The following TENM2 variants were observed in gnomAD, a reference collection of about 807,000 sequenced individuals.
TENM2 encodes teneurin-2.
TENM2 carries 52 observed loss-of-function variants against 245.2 expected under a neutral mutation model. The ratio of observed to expected loss-of-function variants is 0.21; its 90% confidence interval spans 0.17 to 0.27. The LOEUF (loss-of-function observed/expected upper bound fraction) is 0.27. TENM2 is among the 10% of genes least tolerant of loss of function. The pLI is 1.00. For missense variants in TENM2, 3,046 were observed against 3,666.8 expected (o/e 0.83, Z 4.37); for synonymous variants, 1,363 against 1,438.9 (o/e 0.95, Z 1.19).
At chr5:167,715,386 T>C (rs1291770182) in intron 2 of TENM2, among the ~76,000 whole-genome samples, 2 of 151,996 alleles carry the variant, frequency 1.3e-5, no homozygotes, top group African/African-American at 2.4e-5. Context: ...TGGAGGCAGG[T>C]GGCATGGGCT....
At chr5:167,922,405 A>AC (rs35165922) in intron 3 of TENM2, among the ~76,000 whole-genome samples, 76,757 of 151,802 alleles carry the variant, frequency 0.51, 22,138 homozygotes, top group African/African-American at 0.81. Context: ...ATGAATCACC[A>AC]TATCTCCCTA....
At chr5:167,583,831 A>G (rs1001449612) in intron 2 of TENM2, among the ~76,000 whole-genome samples, 2 of 152,138 alleles carry the variant, frequency 1.3e-5, no homozygotes, top group African/African-American at 2.4e-5. Context: ...GATTCCTTCC[A>G]GTCTTTCCTG....
At chr5:168,254,168 C>T (rs770259512) in intron 27 of TENM2, among the ~76,000 whole-genome samples, 3 of 152,246 alleles carry the variant, frequency 2.0e-5, no homozygotes, top group Non-Finnish European at 4.4e-5. Context: ...GATAATCACA[C>T]GCTGTGAAGA....
intron 2 of TENM2, among the ~76,000 whole-genome samples, chr5:167,561,201 G>A (rs1304703553): frequency 6.6e-6 from 1 of 152,086 alleles, no homozygotes; most frequent in Non-Finnish European, 1.5e-5. Flanking sequence ...ATCACACCCT[G>A]GAAAACCTGA....
intron 25 of TENM2, among the ~76,000 whole-genome samples, chr5:168,231,976 A>G (rs1473465920): frequency 6.6e-6 from 1 of 152,048 alleles, no homozygotes; most frequent in Non-Finnish European, 1.5e-5. Context: ...CCAAGGCAGG[A>G]GGACTGCTTG....
At chr5:167,693,968 A>C (rs1757597278) in intron 2 of TENM2, among the ~76,000 whole-genome samples, 1 of 152,220 alleles carries the variant, frequency 6.6e-6, no homozygotes, top group African/African-American at 2.4e-5. Flanking sequence ...ACTATTTAAA[A>C]TATATTTTGG....
chr5:167,655,544 A>G (rs996050738), intron 2 of TENM2, among the ~76,000 whole-genome samples: 2 of 152,194 alleles, frequency 1.3e-5, no homozygotes, highest in East Asian at 1.9e-4. Context: ...TTCTGGGCCA[A>G]TTGCCAACTT....
chr5:167,589,170 C>T (rs189030284), intron 2 of TENM2, among the ~76,000 whole-genome samples: 29 of 150,112 alleles, frequency 1.9e-4, no homozygotes, highest in Admixed American at 1.7e-3. Context: ...CCATTGCATG[C>T]CAGCCTGGGC....
the TENM2 span, among the ~76,000 whole-genome samples, chr5:167,119,188 AG>A: frequency 6.6e-6 from 1 of 152,244 alleles, no homozygotes; most frequent in Non-Finnish European, 1.5e-5. Flanking sequence ...ATATTACTAA[AG>A]TATGTAAAAC....
intron 5 of TENM2, among the ~76,000 whole-genome samples, chr5:168,013,581 G>A (rs1182147823): frequency 6.6e-6 from 1 of 151,278 alleles, no homozygotes; most frequent in East Asian, 1.9e-4. Flanking sequence ...TCCTGCCTGG[G>A]TGACAAAGCA....
chr5:167,104,788 G>A, the TENM2 span, among the ~76,000 whole-genome samples: 50 of 152,274 alleles, frequency 3.3e-4, no homozygotes, highest in Admixed American at 2.5e-3. Flanking sequence ...TACAGCAAAT[G>A]GAGCTTATCA....
intron 2 of TENM2, among the ~76,000 whole-genome samples, chr5:167,841,175 A>G (rs966377473): frequency 5.9e-5 from 9 of 151,706 alleles, no homozygotes; most frequent in East Asian, 1.9e-4. Flanking sequence ...TCCTGCCTCA[A>G]TCTCCCAAGT....
the TENM2 span, among the ~76,000 whole-genome samples, chr5:166,995,109 C>CACAT: frequency 0.15 from 22,158 of 152,006 alleles, 1,647 homozygotes; most frequent in Non-Finnish European, 0.18. Context: ...CATGGCCTTG[C>CACAT]ACATATGTAG....
At chr5:168,044,067 G>T (rs1021860983) in intron 5 of TENM2, among the ~76,000 whole-genome samples, 2 of 152,196 alleles carry the variant, frequency 1.3e-5, no homozygotes, top group South Asian at 4.1e-4. Context: ...GTACCTACCT[G>T]TGAGTCTTAA....
intron 2 of TENM2, among the ~76,000 whole-genome samples, chr5:167,855,889 AGGAG>A (rs141440133): frequency 3.8e-4 from 27 of 71,196 alleles, no homozygotes; most frequent in African/African-American, 1.5e-3. Context: ...AAGGAAGGGA[AGGAG>A]GGAGGGAGGG....
At chr5:167,982,223 T>C (rs1185402365) in intron 4 of TENM2, among the ~76,000 whole-genome samples, 1 of 152,152 alleles carries the variant, frequency 6.6e-6, no homozygotes, top group Non-Finnish European at 1.5e-5. Context: ...TTCTCCTCAA[T>C]CCCATGGTGC....
chr5:167,209,685 A>AT, the TENM2 span, among the ~76,000 whole-genome samples: 46 of 151,786 alleles, frequency 3.0e-4, no homozygotes, highest in South Asian at 6.3e-4. Context: ...ATGATTCCCC[A>AT]TTTTTTCCCC....
intron 12 of TENM2, among the ~76,000 whole-genome samples, chr5:168,145,813 CA>C (rs1291372949): frequency 1.1e-4 from 17 of 149,972 alleles, no homozygotes; most frequent in Non-Finnish European, 2.4e-4. Flanking sequence ...TACCCATGAG[CA>C]TGGAAGGTTC....
At chr5:167,253,853 A>G in the TENM2 span, among the ~76,000 whole-genome samples, 1 of 152,096 alleles carries the variant, frequency 6.6e-6, no homozygotes, top group South Asian at 2.1e-4. Flanking sequence ...AAAGCTCTGA[A>G]GGTCTGAAAG....
Sources: allele counts gnomAD v4.1 joint callset (sites outside exome capture counted in the v4.1 genomes callset), GRCh38; gene constraint gnomAD v4.1.1; transcripts MANE v1.5; gene names NCBI Gene and HGNC (gene_info 2026-07-23, HGNC 2026-07-21).